P2RY6: variants seen among roughly 807,000 people sequenced by gnomAD.
P2RY6 encodes P2Y purinoceptor 6.
In P2RY6, 19 loss-of-function variants were observed where a neutral mutation model predicts 16.3. That is an observed-to-expected ratio of 1.16 (90% confidence interval 0.81 to 1.71). The LOEUF (loss-of-function observed/expected upper bound fraction) is 1.71, where lower values mean the gene tolerates loss of function less well. P2RY6 is among the 40% of genes most tolerant of loss of function. P2RY6 has a pLI of 0.00. For missense variants in P2RY6, 389 were observed against 455.5 expected, an observed-to-expected ratio of 0.85 and a Z score of 1.33; for synonymous variants, 184 against 201.5, an observed-to-expected ratio of 0.91 and a Z score of 0.74.
chr11:73,264,864 AG>A (rs1256393848), intron 1 of P2RY6, among the ~76,000 whole-genome samples: 2 of 151,088 alleles, frequency 1.3e-5, no homozygotes, highest in African/African-American at 4.9e-5. Flanking sequence ...AAAAAAAAAA[AG>A]AAATTACTGT....
intron 1 of P2RY6, among the ~76,000 whole-genome samples, chr11:73,292,205 C>T (rs1864282489): frequency 6.6e-6 from 1 of 152,258 alleles, no homozygotes; most frequent in Non-Finnish European, 1.5e-5. Context: ...GTGGAAGGGG[C>T]AGTCGCTGTG....
chr11:73,297,038 C>T lies in P2RY6; in HGVS notation c.520C>T (p.Arg174Cys), dbSNP rs538929878. ...CGCTGCCACAGGCATCCAGCGTAAC[C>T]GCACTGTCTGCTATGACCTCAGCCC... ...IFAATGIQRNRTVCYDLSPPA... is the reference protein window; with the variant it reads ...IFAATGIQRNCTVCYDLSPPA... The change falls in exon 3 of 3, where the codon CGC becomes TGC. Residue 174 changes from arginine to cysteine, a missense_variant. Coordinates refer to ENST00000540124, the MANE Select transcript of P2RY6 (RefSeq NM_001277204.2). The T allele has an allele frequency of 1.6e-5, 25 of 1,600,830 alleles. No individual in the cohort carries two copies. Among genetic ancestry groups the T allele is most frequent in the Middle Eastern group, 1.6e-4 (1 of 6,062 alleles).
chr11:73,276,481 G>A (rs1787367363), intron 1 of P2RY6, among the ~76,000 whole-genome samples: 1 of 152,144 alleles, frequency 6.6e-6, no homozygotes, highest in Non-Finnish European at 1.5e-5. Context: ...ATCAGTGGAT[G>A]AACAGATAAA....
At chr11:73,275,442 G>A (rs1863498778) in intron 1 of P2RY6, among the ~76,000 whole-genome samples, 1 of 152,200 alleles carries the variant, frequency 6.6e-6, no homozygotes, top group Non-Finnish European at 1.5e-5. Context: ...GCATGACAGG[G>A]ACAGACCTGC....
intron 1 of P2RY6, among the ~76,000 whole-genome samples, chr11:73,281,349 C>T (rs2135716347): frequency 6.6e-6 from 1 of 152,314 alleles, no homozygotes; most frequent in East Asian, 1.9e-4. Context: ...CACCCAAGCC[C>T]ACCCTGGGAA....
chr11:73,282,154 C>A (rs903892184), intron 1 of P2RY6, among the ~76,000 whole-genome samples: 4 of 152,156 alleles, frequency 2.6e-5, no homozygotes, highest in African/African-American at 4.8e-5. Context: ...TGTGAGCCTG[C>A]CATTTGAGAC....
chr11:73,293,097 T>C (rs1172249469), intron 1 of P2RY6, among the ~76,000 whole-genome samples: 7 of 151,642 alleles, frequency 4.6e-5, no homozygotes, highest in Non-Finnish European at 1.0e-4. Context: ...GCTGGGGGGA[T>C]AAAAAAAGGA....
chr11:73,291,873 G>A (rs1864264689), intron 1 of P2RY6, among the ~76,000 whole-genome samples: 1 of 152,230 alleles, frequency 6.6e-6, no homozygotes, highest in South Asian at 2.1e-4. Context: ...CAAAGGTGGA[G>A]TAAGAACCTG....
intron 1 of P2RY6, among the ~76,000 whole-genome samples, chr11:73,278,779 T>A (rs990149678): frequency 3.9e-5 from 6 of 152,210 alleles, no homozygotes; most frequent in African/African-American, 1.4e-4. Context: ...CTACAGCTGT[T>A]TGGCTTGTTT....
chr11:73,284,229 G>A (rs1329494995), intron 1 of P2RY6, among the ~76,000 whole-genome samples: 2 of 152,138 alleles, frequency 1.3e-5, no homozygotes, highest in Non-Finnish European at 2.9e-5. Flanking sequence ...ACCAAGTCAT[G>A]TCCTCCAGCT....
intron 2 of P2RY6, among the ~76,000 whole-genome samples, chr11:73,296,257 TAA>T (rs1491567366): frequency 2.8e-5 from 4 of 143,836 alleles, no homozygotes; most frequent in African/African-American, 1.0e-4. Context: ...TATATATATA[TAA>T]TATATAAACA....
upstream of P2RY6, among the ~76,000 whole-genome samples, chr11:73,269,549 A>G (rs1313566125): frequency 1.3e-5 from 2 of 152,146 alleles, no homozygotes; most frequent in Admixed American, 1.3e-4. Flanking sequence ...ATGTGTGTGG[A>G]GCACATGCAG....
At chr11:73,275,915 AT>A (rs1484103460) in intron 1 of P2RY6, among the ~76,000 whole-genome samples, 1 of 152,216 alleles carries the variant, frequency 6.6e-6, no homozygotes, top group African/African-American at 2.4e-5. Context: ...AGAGCGGTTA[AT>A]ACTATAACTC....
chr11:73,277,511 G>C (rs1831764317), intron 1 of P2RY6, among the ~76,000 whole-genome samples: 1 of 152,208 alleles, frequency 6.6e-6, no homozygotes, highest in Non-Finnish European at 1.5e-5. Flanking sequence ...CAGTTTCATA[G>C]ATGCTGGCAG....
chr11:73,274,540 C>CAAAAAAAAAA (rs59442426), intron 1 of P2RY6, among the ~76,000 whole-genome samples: 2 of 68,492 alleles, frequency 2.9e-5, no homozygotes, highest in African/African-American at 8.2e-5. Flanking sequence ...GAGACTGTCT[C>CAAAAAAAAAA]AAAAAAAAAA....
chr11:73,291,127 T>C (rs1251136794), intron 1 of P2RY6, among the ~76,000 whole-genome samples: 1 of 152,208 alleles, frequency 6.6e-6, no homozygotes, highest in East Asian at 1.9e-4. Context: ...CATGAGCCTT[T>C]CCTTCCCCTC....
At chr11:73,294,610 T>C (rs1256241420) in intron 1 of P2RY6, among the ~76,000 whole-genome samples, 4 of 152,206 alleles carry the variant, frequency 2.6e-5, no homozygotes, top group Admixed American at 1.3e-4. Flanking sequence ...CTTTGATAAC[T>C]GAGAGTGACA....
At chr11:73,280,725 G>T (rs1219777921) in intron 1 of P2RY6, among the ~76,000 whole-genome samples, 1 of 152,214 alleles carries the variant, frequency 6.6e-6, no homozygotes, top group Non-Finnish European at 1.5e-5. Flanking sequence ...AAGTCCAGTG[G>T]TGGAAACAGC....
upstream of P2RY6, among the ~76,000 whole-genome samples, chr11:73,269,242 G>A (rs1422214228): frequency 2.0e-5 from 3 of 152,170 alleles, no homozygotes; most frequent in Non-Finnish European, 2.9e-5. Flanking sequence ...GCTGTGGAGG[G>A]GTCAGTGCCC....
Sources: gnomAD v4.1 joint callset for allele counts (sites outside exome capture counted in the v4.1 genomes callset) on GRCh38, gnomAD v4.1.1 for gene constraint, MANE v1.5 for transcripts, NCBI Gene and HGNC (gene_info 2026-07-23, HGNC 2026-07-21) for gene names.